LYG2: variants seen among roughly 807,000 people sequenced by gnomAD.
LYG2 encodes the protein lysozyme g-like protein 2.
A neutral mutation model predicts 22.4 loss-of-function variants in LYG2; 25 were observed. The ratio of observed to expected loss-of-function variants is 1.12; its 90% confidence interval spans 0.81 to 1.56. The LOEUF is 1.56. Ranked by LOEUF, LYG2 falls within the 40% of genes most tolerant of loss-of-function variation. LYG2 has a pLI of 0.00. For missense variants in LYG2, 266 were observed against 269.5 expected, an observed-to-expected ratio of 0.99 and a Z score of 0.09; for synonymous variants, 88 against 97.0, an observed-to-expected ratio of 0.91 and a Z score of 0.55.
rs189531997 is a variant in LYG2, at chr2:99,253,939, G to A, written c.43+279C>T. ...CAAGGCACTGTTCCATATACCTCTC[G>A]GTAAGGTATCCAGCCTGATAGGTGC... is the stretch of plus-strand genomic sequence containing the variant. On this transcript the variant is annotated intron_variant, in intron 3 of 6. Transcript: ENST00000333017. Among the ~76,000 whole-genome samples the A allele has an allele frequency of 2.9e-3, 442 of 151,992 alleles. 2 individuals carry two copies. The highest frequency in any genetic ancestry group is 0.01 in the African/African-American group (415 of 41,422).
intron 3 of LYG2, among the ~76,000 whole-genome samples, chr2:99,250,794 G>C (rs1402324815): frequency 6.6e-6 from 1 of 152,228 alleles, no homozygotes; most frequent in East Asian, 1.9e-4. Context: ...GTGATAGGCT[G>C]TTCATTCCAG....
At chr2:99,252,773 G>A (rs185044229) in intron 3 of LYG2, among the ~76,000 whole-genome samples, 211 of 151,870 alleles carry the variant, frequency 1.4e-3, no homozygotes, top group South Asian at 4.8e-3. Context: ...TGGGCCGGGC[G>A]TGGTGGCTCA....
At chr2:99,247,901 C>T (rs1358472826) in intron 3 of LYG2, among the ~76,000 whole-genome samples, 1 of 151,890 alleles carries the variant, frequency 6.6e-6, no homozygotes, top group Non-Finnish European at 1.5e-5. Context: ...AACAAACAAC[C>T]CCATCAAAAA....
chr2:99,249,424 C>CT (rs2094022388), intron 3 of LYG2, among the ~76,000 whole-genome samples: 1 of 133,688 alleles, frequency 7.5e-6, no homozygotes, highest in Non-Finnish European at 1.6e-5. Flanking sequence ...TGTCTCAAAT[C>CT]TCAAAAAAAA....
intron 3 of LYG2, among the ~76,000 whole-genome samples, chr2:99,251,405 CT>C (rs1227015010): frequency 2.0e-5 from 3 of 152,100 alleles, no homozygotes; most frequent in African/African-American, 7.2e-5. Flanking sequence ...ATTATATTTA[CT>C]GTCTCATTGT....
rs373402147 is a variant in LYG2 at position 99,250,523 on chromosome 2, T to C, written c.43+3695A>G. ...CCCAGCAGCTGGGACTACAGGCGCC[T>C]GCCATCACACCCGGCTAATTTTTTG... is the stretch of plus-strand genomic sequence containing the variant. On this transcript the variant is annotated intron_variant, in intron 3 of 6. Coordinates refer to ENST00000333017, the MANE Select transcript of LYG2 (RefSeq NM_175735.4). 6.7e-3 allele frequency among the ~76,000 whole-genome samples: 1,018 copies of C among 152,128 alleles called. 3 individuals are homozygous for C. The highest frequency in any genetic ancestry group is 0.011 in the Non-Finnish European group (728 of 67,978).
Position 99,244,085 on chromosome 2 carries a change from A to C in LYG2, c.434T>G (p.Leu145Arg). The C allele has an allele frequency of 1.2e-6, 2 of 1,614,094 alleles. No individual in the cohort carries two copies. The highest frequency in any genetic ancestry group is 1.7e-6 in the Non-Finnish European group (2 of 1,180,000). ...TGTTAGAATCCCAGTAGCCTGTGAA[A>C]GGTGCTCTTTGCTATCCCAGGCACC... Reference protein sequence around the residue: ...PVGAWDSKEHLSQATGILTER... With the variant: ...PVGAWDSKEHRSQATGILTER... The change falls in exon 6 of 7, where the codon CTT becomes CGT. Residue 145 changes from leucine to arginine, a missense_variant. Leu to Arg is a moderately radical substitution (Grantham distance 102). Transcript: ENST00000333017.
At chr2:99,247,328 C>T (rs1341116613) in intron 3 of LYG2, among the ~76,000 whole-genome samples, 3 of 152,080 alleles carry the variant, frequency 2.0e-5, no homozygotes, top group Non-Finnish European at 2.9e-5. Flanking sequence ...TGTGCTCAAG[C>T]GATCCTCTCT....
intron 2 of LYG2, 57 bp from the exon 3 acceptor site, chr2:99,254,342 A>G (rs2094032262): frequency 3.8e-5 from 53 of 1,409,168 alleles, no homozygotes; most frequent in Non-Finnish European, 4.4e-5. Context: ...TTTCCTAAAG[A>G]AAAATTTGCT....
intron 6 of LYG2, 164 bp downstream of exon 6, chr2:99,243,835 A>G: frequency 1.4e-6 from 1 of 733,206 alleles, no homozygotes; most frequent in Admixed American, 2.9e-5. Context: ...AGGACCTCTC[A>G]AAGTAACTCA....
In LYG2 at chr2:99,246,753, G is replaced by A. The variant is rs763470701; in HGVS notation, c.111C>T (p.His37=). The part of the protein sequence containing the change: ...MKPHLHPRLY[H]GCYGDIMTMK... ...TGGTCATGATGTCCCCATAGCAGCC[G>A]TGGTACAGGCGTGGATGTAGGTGAG... is the stretch of plus-strand genomic sequence containing the variant. The change falls in exon 4 of 7, where the codon CAC becomes CAT. Residue 37 remains histidine, a synonymous_variant. Coordinates refer to ENST00000333017, the MANE Select transcript of LYG2 (RefSeq NM_175735.4). The A allele has an allele frequency of 2.4e-5, 39 of 1,614,150 alleles. No homozygotes were observed. Among genetic ancestry groups the A allele is most frequent in the South Asian group, 3.3e-5 (3 of 91,084 alleles).
rs566289623 is a variant in LYG2 at position 99,245,220 on chromosome 2, G to T, written c.381+42C>A. ...CTAGTTCAGGTTGAGCTTCTGTGAG[G>T]AGGGATGCAGTGGGGCTGATAGAAA... On this transcript the variant is annotated intron_variant, in intron 5 of 6. Coordinates refer to ENST00000333017, the MANE Select transcript of LYG2 (RefSeq NM_175735.4). 57 of 1,510,680 alleles carry T rather than the reference G, an allele frequency of 3.8e-5. No individual in the cohort carries two copies. In the South Asian group the frequency reaches 4.1e-4, roughly 11 times the overall value. The allele number at this position is 1,510,680 out of a possible 1,614,324, so 93.6% of individuals were successfully genotyped here.
At position 99,242,446 on chromosome 2, in the gene LYG2, A is replaced by G. The variant is rs745778872; in HGVS notation, c.557T>C (p.Ile186Thr). ...LSAFKSGIEA[I>T]ATPSDIDNDF... ...ATTGTCTATGTCCGATGGGGTGGCA[A>G]TCGCTTCAATTCCTGACTTAAAAGC... The change falls in exon 7 of 7, where the codon ATT (isoleucine) becomes ACT (threonine). Residue 186 changes from isoleucine to threonine, a missense_variant. Ile to Thr is a moderately conservative substitution (Grantham distance 89). Coordinates refer to ENST00000333017, the MANE Select transcript of LYG2 (RefSeq NM_175735.4). The G allele has an allele frequency of 9.4e-5, 151 of 1,612,984 alleles. 2 individuals are homozygous for G. The South Asian group carries it at 1.1e-3, about 11-fold the overall frequency.
rs753873113 is a variant in LYG2 at position 99,254,304 on chromosome 2, G to A, written c.-25-19C>T. ...CCAGGACCTGCTCTGATTTGAAATAGAAACTGGTTAATTTTAAAACCTGAA... is the reference window on the plus strand; with the variant it reads ...CCAGGACCTGCTCTGATTTGAAATAAAAACTGGTTAATTTTAAAACCTGAA... On this transcript the variant is annotated intron_variant, in intron 2 of 6. Transcript: ENST00000333017. 6.3e-7 allele frequency: 1 copy of A among 1,580,694 alleles called. No individual in the cohort carries two copies. Among genetic ancestry groups the A allele is most frequent in the Admixed American group, 1.8e-5 (1 of 54,620 alleles).
upstream of LYG2, among the ~76,000 whole-genome samples, chr2:99,260,617 A>G (rs2094045471): frequency 6.6e-6 from 1 of 152,224 alleles, no homozygotes. Context: ...TGTGTCAAAG[A>G]CAGTCCTTTT....
intron 6 of LYG2, 112 bp downstream of exon 6, chr2:99,243,887 C>T: frequency 7.8e-7 from 1 of 1,288,202 alleles, no homozygotes; most frequent in South Asian, 1.3e-5. Context: ...ACAGCTCCTC[C>T]CAGGGCCACT....
At chr2:99,246,850 T>C (rs1344903547) in intron 3 of LYG2, 30 bp from the exon 4 acceptor site, 1 of 1,599,214 alleles carries the variant, frequency 6.3e-7, no homozygotes, top group East Asian at 2.2e-5. Context: ...CTCACATGAA[T>C]CCTCTGAGAA....
intron 3 of LYG2, among the ~76,000 whole-genome samples, chr2:99,247,623 G>A (rs568669182): frequency 6.6e-5 from 10 of 152,096 alleles, no homozygotes; most frequent in Admixed American, 2.0e-4. Flanking sequence ...ACAGTCCCCA[G>A]TGTCTATTGT....
intron 3 of LYG2, among the ~76,000 whole-genome samples, chr2:99,249,788 A>G (rs1179594053): frequency 6.8e-6 from 1 of 146,116 alleles, no homozygotes; most frequent in Non-Finnish European, 1.5e-5. Context: ...AAAAAAAAGA[A>G]TCTAACCACT....
Sources: gnomAD v4.1 joint callset for allele counts (sites outside exome capture counted in the v4.1 genomes callset) on GRCh38, gnomAD v4.1.1 for gene constraint, MANE v1.5 for transcripts, NCBI Gene and HGNC (gene_info 2026-07-23, HGNC 2026-07-21) for gene names.